The following CFAP20DC variants were observed in gnomAD, a reference collection of about 807,000 sequenced individuals.
CFAP20DC encodes CFAP20 domain containing.
A neutral mutation model predicts 101.7 loss-of-function variants in CFAP20DC; 84 were observed. That is an observed-to-expected ratio of 0.83 (90% CI 0.69 to 0.99). CFAP20DC has a LOEUF of 0.99. Ranked by LOEUF, CFAP20DC falls within the 50% of genes least tolerant of loss-of-function variation. The pLI, the probability that CFAP20DC is intolerant of heterozygous loss-of-function variation, is 0.00. For synonymous variants in CFAP20DC, 359 were observed against 351.2 expected (o/e 1.02, Z -0.25); for missense variants, 1,007 against 970.3 (o/e 1.04, Z -0.50).
At chr3:58,862,874 G>T in intron 12 of CFAP20DC, 1 of 983,632 alleles carries the variant, frequency 1.0e-6, no homozygotes, top group South Asian at 4.7e-5. Flanking sequence ...ACTTCCTATG[G>T]GGAAAAAGTT....
chr3:59,033,542 T>C (rs1164897346), intron 4 of CFAP20DC, among the ~76,000 whole-genome samples: 2 of 151,962 alleles, frequency 1.3e-5, no homozygotes, highest in Non-Finnish European at 2.9e-5. Context: ...GCACAAGAAT[T>C]TCGTGAAGCG....
chr3:59,030,387 T>C (rs1004835029), intron 4 of CFAP20DC, among the ~76,000 whole-genome samples: 1 of 152,226 alleles, frequency 6.6e-6, no homozygotes, highest in African/African-American at 2.4e-5. Flanking sequence ...CAGCACTATA[T>C]TTTGATTGTC....
intron 5 of CFAP20DC, among the ~76,000 whole-genome samples, chr3:58,930,819 T>C (rs1463791882): frequency 6.6e-6 from 1 of 152,190 alleles, no homozygotes; most frequent in African/African-American, 2.4e-5. Flanking sequence ...ACAGCTCCGG[T>C]CTACAGCTCC....
intron 3 of CFAP20DC, among the ~76,000 whole-genome samples, chr3:59,044,987 GACACACACACACAC>G (rs57196071): frequency 1.4e-5 from 2 of 139,844 alleles, no homozygotes; most frequent in African/African-American, 2.6e-5. Context: ...TCCTATTACA[GACACACACACACAC>G]ACACACACAC....
At chr3:58,898,739 T>C (rs2082884934) in intron 6 of CFAP20DC, among the ~76,000 whole-genome samples, 2 of 152,182 alleles carry the variant, frequency 1.3e-5, no homozygotes, top group African/African-American at 4.8e-5. Context: ...AGAGCTGTTG[T>C]GGTCATGTGG....
chr3:58,741,429 T>C (rs1331082800), downstream of CFAP20DC, among the ~76,000 whole-genome samples: 2 of 152,016 alleles, frequency 1.3e-5, no homozygotes, highest in Non-Finnish European at 2.9e-5. Context: ...AGTGGGGGGA[T>C]TTCAAAGAGG....
chr3:59,041,255 T>A, intron 3 of CFAP20DC, among the ~76,000 whole-genome samples: 1 of 152,090 alleles, frequency 6.6e-6, no homozygotes, highest in East Asian at 1.9e-4. Flanking sequence ...CACAAAGAGT[T>A]ACACACATAG....
intron 14 of CFAP20DC, among the ~76,000 whole-genome samples, chr3:58,812,149 A>T (rs986947400): frequency 6.6e-6 from 1 of 152,150 alleles, no homozygotes; most frequent in Non-Finnish European, 1.5e-5. Context: ...CAGTGTGGCG[A>T]TTCCTTAGGG....
chr3:58,881,500 T>G (rs953818333), intron 7 of CFAP20DC, among the ~76,000 whole-genome samples: 1 of 152,186 alleles, frequency 6.6e-6, no homozygotes, highest in Non-Finnish European at 1.5e-5. Context: ...GTGTGGTTTT[T>G]GGAAACACAA....
intron 13 of CFAP20DC, 128 bp downstream of exon 13, chr3:58,848,904 A>G (rs1269494555): frequency 6.0e-6 from 7 of 1,174,058 alleles, no homozygotes; most frequent in Non-Finnish European, 8.1e-6. Flanking sequence ...ACATCAGAAC[A>G]GGAAAGAAAA....
rs570682653 is a variant in CFAP20DC at position 58,971,903 on chromosome 3, T to C, written c.279-34141A>G. ...CACACACACACACACAATTAAGCTCTAGAGGTACTCCCAAAAAATCCTGCT... is the reference window on the plus strand; with the variant it reads ...CACACACACACACACAATTAAGCTCCAGAGGTACTCCCAAAAAATCCTGCT... On this transcript the variant is annotated intron_variant, in intron 4 of 16. Transcript: ENST00000482387. The surrounding 1 kb of genome is among the most constrained non-coding windows in gnomAD (Gnocchi z 4.1). 5.2e-4 allele frequency among the ~76,000 whole-genome samples: 79 copies of C among 150,552 alleles called. No individual in the cohort carries two copies. The highest frequency in any genetic ancestry group is 3.4e-3 in the Middle Eastern group (1 of 292).
At chr3:58,785,252 T>C (rs2072228968) in intron 15 of CFAP20DC, among the ~76,000 whole-genome samples, 1 of 151,788 alleles carries the variant, frequency 6.6e-6, no homozygotes, top group Admixed American at 6.6e-5. Context: ...AGGTAGAGAG[T>C]AGAATGATAG....
At chr3:58,988,510 G>C (rs2092825668) in intron 4 of CFAP20DC, among the ~76,000 whole-genome samples, 1 of 152,116 alleles carries the variant, frequency 6.6e-6, no homozygotes, top group African/African-American at 2.4e-5. Flanking sequence ...ATTGAGATGG[G>C]AACAGGGACA....
At chr3:58,787,570 G>A in intron 15 of CFAP20DC, among the ~76,000 whole-genome samples, 1 of 152,124 alleles carries the variant, frequency 6.6e-6, no homozygotes. Flanking sequence ...AACCATGGTG[G>A]AGGACAGTGT....
intron 5 of CFAP20DC, among the ~76,000 whole-genome samples, chr3:58,925,525 T>C (rs1014875706): frequency 5.3e-5 from 8 of 152,198 alleles, no homozygotes; most frequent in African/African-American, 1.9e-4. Flanking sequence ...TATTTGCTAA[T>C]TAAAATAAAC....
intron 10 of CFAP20DC, 43 bp downstream of exon 10, chr3:58,867,774 G>C (rs961733735): frequency 6.2e-7 from 1 of 1,609,944 alleles, no homozygotes; most frequent in African/African-American, 1.3e-5. Flanking sequence ...CGATTGCCCT[G>C]AATAATATAC....
chr3:58,742,611 C>A, intron 16 of CFAP20DC, 39 bp from the exon 17 acceptor site: 1 of 1,508,478 alleles, frequency 6.6e-7, no homozygotes, highest in Admixed American at 1.8e-5. Flanking sequence ...TAGCTGTTGG[C>A]TTGGCCCGGA....
intron 4 of CFAP20DC, chr3:59,019,131 T>C (rs751146514): frequency 6.6e-5 from 10 of 152,174 alleles, no homozygotes; most frequent in Non-Finnish European, 1.2e-4. Flanking sequence ...CTATAACTTG[T>C]CTCAAACCAT....
chr3:58,991,468 G>A (rs576169487), intron 4 of CFAP20DC, among the ~76,000 whole-genome samples: 1 of 152,068 alleles, frequency 6.6e-6, no homozygotes, highest in Admixed American at 6.6e-5. Context: ...ACTTGACTTC[G>A]ATTACCTTCA....
Sources: allele counts gnomAD v4.1 joint callset (sites outside exome capture counted in the v4.1 genomes callset), GRCh38; gene constraint gnomAD v4.1.1; non-coding constraint Gnocchi (gnomAD v3.1); transcripts MANE v1.5; gene names NCBI Gene and HGNC (gene_info 2026-07-23, HGNC 2026-07-21).